The following KCNJ16 variants were observed in gnomAD, a reference collection of about 807,000 sequenced individuals.
The protein encoded by KCNJ16 is inward rectifier potassium channel 16.
In KCNJ16, 15 loss-of-function variants were observed where a neutral mutation model predicts 18.5. That is an observed-to-expected ratio of 0.81 (90% CI 0.54 to 1.25). KCNJ16 has a LOEUF of 1.25. KCNJ16 is among the 50% of genes most tolerant of loss of function. The pLI is 0.00. For missense variants in KCNJ16, 523 were observed against 525.7 expected, an observed-to-expected ratio of 0.99 and a Z score of 0.05; for synonymous variants, 174 against 186.5, an observed-to-expected ratio of 0.93 and a Z score of 0.55.
intron 2 of KCNJ16, among the ~76,000 whole-genome samples, chr17:70,114,835 C>A (rs1468867277): frequency 6.6e-6 from 1 of 152,128 alleles, no homozygotes; most frequent in African/African-American, 2.4e-5. Context: ...TGATATTAAT[C>A]TACATAAGAT....
Position 70,103,321 on chromosome 17 carries a change from T to TACAC in KCNJ16, c.-191+2561_-191+2564dup, listed in dbSNP as rs1321986647. 3.1e-3 allele frequency among the ~76,000 whole-genome samples: 139 copies of TACAC among 44,484 alleles called. 2 individuals carry two copies. The highest frequency in any genetic ancestry group is 9.2e-3 in the African/African-American group (133 of 14,434). The allele number at this position is 44,484 out of a possible 152,430, so 29.2% of individuals were successfully genotyped here. ...GTATATATATATATATATATATATA[T>TACAC]ACACACACATATATATATATTTTTT... On this transcript the variant is annotated intron_variant, in intron 2 of 3. Coordinates refer to ENST00000392671, the MANE Select transcript of KCNJ16 (RefSeq NM_170741.4).
chr17:70,108,811 G>T (rs2143967369), intron 2 of KCNJ16, among the ~76,000 whole-genome samples: 1 of 152,064 alleles, frequency 6.6e-6, no homozygotes, highest in Middle Eastern at 3.4e-3. Context: ...CTTTCTCCTT[G>T]CCCGTTTTTG....
chr17:70,086,855 G>C (rs1021557028), intron 1 of KCNJ16, among the ~76,000 whole-genome samples: 9 of 152,120 alleles, frequency 5.9e-5, no homozygotes, highest in African/African-American at 2.2e-4. Flanking sequence ...ATTTGTGGTA[G>C]TACTTTGGAA....
chr17:70,099,067 C>A (rs1397388127), intron 1 of KCNJ16, among the ~76,000 whole-genome samples: 3 of 152,102 alleles, frequency 2.0e-5, no homozygotes, highest in Non-Finnish European at 2.9e-5. Flanking sequence ...CAAATCAGTC[C>A]TTTGATTTCC....
intron 2 of KCNJ16, among the ~76,000 whole-genome samples, chr17:70,124,790 C>T (rs2073791596): frequency 6.6e-6 from 1 of 152,192 alleles, no homozygotes; most frequent in Admixed American, 6.5e-5. Context: ...GTTAACTTTG[C>T]TAATCTTGTC....
intron 1 of KCNJ16, among the ~76,000 whole-genome samples, chr17:70,086,574 T>C (rs1045215624): frequency 6.6e-6 from 1 of 152,196 alleles, no homozygotes; most frequent in Non-Finnish European, 1.5e-5. Flanking sequence ...CATGGAAGAA[T>C]GCCTCTTGAA....
In KCNJ16 at chr17:70,077,895, A is replaced by T. The variant is rs568973515; in HGVS notation, c.-300+2505A>T. Among the ~76,000 whole-genome samples, 214 of 152,274 alleles carry T rather than the reference A, an allele frequency of 1.4e-3. 1 individual carries two copies. Among genetic ancestry groups the T allele is most frequent in the African/African-American group, 4.7e-3 (197 of 41,558 alleles). ...AAAAAAAAAAAGATAGTTTATCTGA[A>T]ATGCATTGCATGAAGAATGCTTTCC... On this transcript the variant is annotated intron_variant, in intron 1 of 3. Transcript: ENST00000392671.
At chr17:70,111,442 C>T (rs2073180727) in intron 2 of KCNJ16, among the ~76,000 whole-genome samples, 1 of 152,100 alleles carries the variant, frequency 6.6e-6, no homozygotes, top group Non-Finnish European at 1.5e-5. Flanking sequence ...TGTCTGCGGG[C>T]TGGACCTTCA....
Position 70,131,049 on chromosome 17 carries a change from T to A in KCNJ16, c.-94+74T>A, listed in dbSNP as rs9913355. ...GGAGAAAAATTATTTTGCCTAAGGA[T>A]GTCCGTGAAAGTATCAGGAAAACAC... is the stretch of plus-strand genomic sequence containing the variant. On this transcript the variant is annotated intron_variant, in intron 3 of 3. Transcript: ENST00000392671. 0.014 allele frequency: 19,457 copies of A among 1,375,272 alleles called. 2,201 individuals carry two copies. The African/African-American group carries it at 0.24, about 17-fold the overall frequency. 85.2% of individuals were successfully genotyped at this position (1,375,272 alleles called of 1,614,324 possible). A position where few individuals can be genotyped will look rare whatever the true frequency, so the allele number is the denominator to read the frequency against.
intron 1 of KCNJ16, among the ~76,000 whole-genome samples, chr17:70,097,583 C>T (rs186829947): frequency 6.6e-6 from 1 of 152,000 alleles, no homozygotes; most frequent in East Asian, 1.9e-4. Context: ...TCATCGCAGC[C>T]CCATATAGCA....
At chr17:70,105,546 T>G (rs2072884886) in intron 2 of KCNJ16, among the ~76,000 whole-genome samples, 1 of 152,172 alleles carries the variant, frequency 6.6e-6, no homozygotes, top group Non-Finnish European at 1.5e-5. Context: ...TAAAATACGT[T>G]GACATCAATT....
chr17:70,085,896 C>A (rs2071773711), intron 1 of KCNJ16, among the ~76,000 whole-genome samples: 1 of 152,096 alleles, frequency 6.6e-6, no homozygotes, highest in East Asian at 1.9e-4. Context: ...AAAGATTTTA[C>A]TCCATTGAGC....
chr17:70,088,786 T>C (rs4968878), intron 1 of KCNJ16, among the ~76,000 whole-genome samples: 136,251 of 151,946 alleles, frequency 0.9, 61,212 homozygotes, highest in East Asian at 1. Flanking sequence ...GGAGGTGGCA[T>C]GACCTGTTTA....
chr17:70,109,235 A>C (rs1427545025), intron 2 of KCNJ16, among the ~76,000 whole-genome samples: 1 of 152,174 alleles, frequency 6.6e-6, no homozygotes, highest in Admixed American at 6.6e-5. Flanking sequence ...ACCCTGAATA[A>C]ATATCCCAAA....
Position 70,132,358 on chromosome 17 carries a change from G to A in KCNJ16, c.271G>A (p.Val91Ile). 6.2e-7 allele frequency: 1 copy of A among 1,614,186 alleles called. No homozygotes were observed. The change falls in exon 4 of 4, where the codon GTC becomes ATC. Residue 91 changes from valine (V) to isoleucine (I), a missense_variant. Transcript: ENST00000392671. ...TCTCTCGTGGTTGATATTTGGCTCTGTCTTTTGGCTCATAGCCTTTCATCA... is the reference window on the plus strand; with the variant it reads ...TCTCTCGTGGTTGATATTTGGCTCTATCTTTTGGCTCATAGCCTTTCATCA... Reference protein sequence around the residue: ...YILSWLIFGSVFWLIAFHHGD... With the variant: ...YILSWLIFGSIFWLIAFHHGD...
chr17:70,103,542 CT>C (rs780413027), intron 2 of KCNJ16, among the ~76,000 whole-genome samples: 3 of 151,790 alleles, frequency 2.0e-5, no homozygotes, highest in Admixed American at 6.6e-5. Context: ...TCAAGCAATT[CT>C]TTTTCTCAGT....
chr17:70,106,258 A>G lies in KCNJ16; in HGVS notation c.-191+5492A>G, dbSNP rs77748825. ...AGATTAGAAGTTCTGAAAGTCTACAATCTGCAAGGTAGAGACCAAATTGGC... is the reference window on the plus strand; with the variant it reads ...AGATTAGAAGTTCTGAAAGTCTACAGTCTGCAAGGTAGAGACCAAATTGGC... On this transcript the variant is annotated intron_variant, in intron 2 of 3. Coordinates refer to ENST00000392671, the MANE Select transcript of KCNJ16 (RefSeq NM_170741.4). Among the ~76,000 whole-genome samples the G allele has an allele frequency of 7.7e-3, 1,166 of 152,324 alleles. 20 individuals carry two copies. The highest frequency in any genetic ancestry group is 0.026 in the African/African-American group (1,097 of 41,562).
chr17:70,097,032 C>T (rs2072408861), intron 1 of KCNJ16: 1 of 392,204 alleles, frequency 2.5e-6, no homozygotes, highest in African/African-American at 2.1e-5. Flanking sequence ...TGGTGAAATG[C>T]TCATTTTGCA....
chr17:70,103,482 TG>T (rs2072769869), intron 2 of KCNJ16, among the ~76,000 whole-genome samples: 1 of 151,754 alleles, frequency 6.6e-6, no homozygotes, highest in African/African-American at 2.4e-5. Flanking sequence ...GCCTTTTGCT[TG>T]TAACACTTTC....
Sources: allele counts gnomAD v4.1 joint callset (sites outside exome capture counted in the v4.1 genomes callset), GRCh38; gene constraint gnomAD v4.1.1; transcripts MANE v1.5; gene names NCBI Gene and HGNC (gene_info 2026-07-23, HGNC 2026-07-21).